Variants in ITIH2 observed in about 807,000 individuals in gnomAD.
The protein encoded by ITIH2 is inter-alpha-trypsin inhibitor heavy chain H2.
In ITIH2, 103 loss-of-function variants were observed where a neutral mutation model predicts 104.4. That is an observed-to-expected ratio of 0.99 (90% CI 0.84 to 1.16). The LOEUF is 1.16. Ranked by LOEUF, ITIH2 falls within the 50% of genes most tolerant of loss-of-function variation. The pLI is 0.00. For missense variants in ITIH2, 1,108 were observed against 1,162.4 expected (o/e 0.95, Z 0.68); for synonymous variants, 436 against 435.4 (o/e 1.00, Z -0.02).
intron 4 of ITIH2, among the ~76,000 whole-genome samples, chr10:7,711,558 T>C (rs1834797252): frequency 6.6e-6 from 1 of 152,188 alleles, no homozygotes; most frequent in Admixed American, 6.5e-5. Flanking sequence ...TAAAGACCCC[T>C]TGGCCTTTGA....
chr10:7,737,702 AT>A (rs1835076663), intron 15 of ITIH2, among the ~76,000 whole-genome samples: 1 of 54,712 alleles, frequency 1.8e-5, no homozygotes, highest in African/African-American at 8.6e-5. Context: ...TCTATATAAT[AT>A]TCTATATTAT....
At chr10:7,733,792 G>A (rs1355855960) in intron 14 of ITIH2, among the ~76,000 whole-genome samples, 2 of 152,096 alleles carry the variant, frequency 1.3e-5, no homozygotes, top group East Asian at 1.9e-4. Flanking sequence ...GGATTCTCAG[G>A]AAGGTGGAAC....
At position 7,749,360 on chromosome 10, in the gene ITIH2, A is replaced by C. The variant is rs779772829; in HGVS notation, c.*26A>C. ...AGGTTTATAGTTTGGGAAATTATAT[A>C]TATTAATATACATCTTTCCCCTGTC... On this transcript the variant is annotated 3_prime_UTR_variant, in exon 21 of 21. Coordinates refer to ENST00000358415, the MANE Select transcript of ITIH2 (RefSeq NM_002216.3). The C allele has an allele frequency of 6.4e-7, 1 of 1,574,064 alleles. No homozygotes were observed. Among genetic ancestry groups the C allele is most frequent in the African/African-American group, 1.4e-5 (1 of 73,788 alleles).
rs748873415 is a variant in ITIH2 at position 7,744,799 on chromosome 10, T to C, written c.2417T>C (p.Ile806Thr). ...TAQVTNQRVQ[I>T]SVKKEKVVTI... is the part of the protein sequence containing the mutation. ...TTGGACTTTCACACCAGGGTGCAGATCTCAGTGAAGAAAGAAAAAGTGGTA... is the reference window on the plus strand; with the variant it reads ...TTGGACTTTCACACCAGGGTGCAGACCTCAGTGAAGAAAGAAAAAGTGGTA... Residue 806 changes from isoleucine to threonine, a missense_variant, in exon 19 of 21, where the codon ATC becomes ACC. Physicochemically the swap from Ile to Thr is moderately conservative, Grantham distance 89. Transcript: ENST00000358415. The C allele has an allele frequency of 9.9e-6, 16 of 1,613,618 alleles. No homozygotes were observed. Among genetic ancestry groups the C allele is most frequent in the Non-Finnish European group, 1.4e-5 (16 of 1,179,768 alleles).
intron 18 of ITIH2, 23 bp downstream of exon 18, chr10:7,744,303 T>C (rs773783223): frequency 1.3e-6 from 2 of 1,598,872 alleles, no homozygotes; most frequent in Non-Finnish European, 8.6e-7. Context: ...CCATCTGAAC[T>C]TGGGCCTGTC....
At chr10:7,745,496 G>A (rs1364054673) in intron 19 of ITIH2, among the ~76,000 whole-genome samples, 1 of 152,102 alleles carries the variant, frequency 6.6e-6, no homozygotes, top group Non-Finnish European at 1.5e-5. Context: ...GCTCGTGCCT[G>A]TAATCCCAGC....
chr10:7,711,136 G>C (rs1834793871), intron 4 of ITIH2, among the ~76,000 whole-genome samples: 1 of 152,016 alleles, frequency 6.6e-6, no homozygotes, highest in Admixed American at 6.6e-5. Flanking sequence ...TCCCCTCCCT[G>C]TGTCCATGTG....
intron 15 of ITIH2, among the ~76,000 whole-genome samples, chr10:7,736,862 A>G (rs571953052): frequency 2.0e-5 from 3 of 152,330 alleles, no homozygotes; most frequent in African/African-American, 7.2e-5. Context: ...ACAAGTGGAT[A>G]GAAATGGCAA....
At position 7,727,738 on chromosome 10, in the gene ITIH2, T is replaced by G. The variant is rs748332598; in HGVS notation, c.1189T>G (p.Phe397Val). The G allele has an allele frequency of 1.1e-5, 17 of 1,614,180 alleles. No individual in the cohort carries two copies. Among genetic ancestry groups the G allele is most frequent in the Non-Finnish European group, 1.4e-5 (16 of 1,180,002 alleles). The change falls in exon 11 of 21, where the codon TTC becomes GTC. Residue 397 changes from phenylalanine to valine, a missense_variant. Coordinates refer to ENST00000358415, the MANE Select transcript of ITIH2 (RefSeq NM_002216.3). The part of the protein sequence containing the change: ...NINEALLRAI[F>V]ILNEANNLGL... ...CAACGAAGCACTCCTACGGGCAATC[T>G]TCATTTTGAATGAAGCCAATAACTT...
chr10:7,735,669 C>CTTTTTTTT (rs1835048138), intron 15 of ITIH2, among the ~76,000 whole-genome samples: 1 of 144,008 alleles, frequency 6.9e-6, no homozygotes, highest in African/African-American at 2.6e-5. Flanking sequence ...CTTTTCTTTT[C>CTTTTTTTT]TTTTCTTTTT....
intron 6 of ITIH2, 89 bp downstream of exon 6, chr10:7,717,877 G>C: frequency 7.5e-7 from 1 of 1,336,406 alleles, no homozygotes. Flanking sequence ...ACTAGCACTT[G>C]TGGTGTTGGA....
intron 5 of ITIH2, chr10:7,713,533 G>A (rs935097195): frequency 1.4e-5 from 6 of 429,450 alleles, no homozygotes; most frequent in African/African-American, 4.0e-5. Context: ...GTAGATGGAT[G>A]TTCTGTAAAT....
chr10:7,743,275 A>T lies in ITIH2; in HGVS notation c.2209+16A>T. The T allele has an allele frequency of 1.5e-6, 2 of 1,325,782 alleles. No individual in the cohort carries two copies. The highest frequency in any genetic ancestry group is 1.3e-5 in the South Asian group (1 of 78,200). The allele number at this position is 1,325,782 out of a possible 1,614,324, so 82.1% of individuals were successfully genotyped here. A position where few individuals can be genotyped will look rare whatever the true frequency, so the allele number is the denominator to read the frequency against. On this transcript the variant is annotated intron_variant, in intron 17 of 20. Coordinates refer to ENST00000358415, the MANE Select transcript of ITIH2 (RefSeq NM_002216.3). ...CCAGAATCAGGTAAAATAAAAATAA[A>T]TTATATTTGCACCAATTAGGTCATT...
At chr10:7,737,426 T>TATATATAC (rs1407631058) in intron 15 of ITIH2, among the ~76,000 whole-genome samples, 2 of 131,076 alleles carry the variant, frequency 1.5e-5, no homozygotes, top group Admixed American at 8.5e-5. Flanking sequence ...TATATATATA[T>TATATATAC]ACACGTGTAT....
intron 16 of ITIH2, among the ~76,000 whole-genome samples, chr10:7,741,173 GTTTT>G (rs34408370): frequency 8.0e-5 from 8 of 100,222 alleles, no homozygotes; most frequent in Non-Finnish European, 6.0e-5. Flanking sequence ...ATTGTTTAAG[GTTTT>G]TTTTTTTTTT....
At chr10:7,716,659 C>T (rs927777782) in intron 5 of ITIH2, among the ~76,000 whole-genome samples, 4 of 150,208 alleles carry the variant, frequency 2.7e-5, no homozygotes, top group Non-Finnish European at 4.4e-5. Flanking sequence ...TAGCTTGAGC[C>T]CTGGAGGCGG....
chr10:7,712,337 T>C (rs572543302), intron 4 of ITIH2, among the ~76,000 whole-genome samples: 1 of 152,274 alleles, frequency 6.6e-6, no homozygotes, highest in South Asian at 2.1e-4. Context: ...ATGCTATTCA[T>C]GAGGAGAGAG....
rs201633814 is a variant in ITIH2 at position 7,723,529 on chromosome 10, G to A, written c.946G>A (p.Asp316Asn). The change falls in exon 9 of 21, where the codon GAT becomes AAT. Residue 316 changes from aspartate (D) to asparagine (N), a missense_variant. Coordinates refer to ENST00000358415, the MANE Select transcript of ITIH2 (RefSeq NM_002216.3). ...TCCCAAAAACATCCTCTTTGTCATC[G>A]ATGTGAGTGGCTCCATGTGGGGAGT... ...PIPKNILFVIDVSGSMWGVKM... is the reference protein window; with the variant it reads ...PIPKNILFVINVSGSMWGVKM... 4.6e-5 allele frequency: 75 copies of A among 1,613,746 alleles called. 1 individual carries two copies. Among genetic ancestry groups the A allele is most frequent in the Admixed American group, 6.7e-5 (4 of 60,018 alleles).
chr10:7,706,029 A>T (rs1306146550), intron 2 of ITIH2, among the ~76,000 whole-genome samples: 1 of 152,140 alleles, frequency 6.6e-6, no homozygotes, highest in Non-Finnish European at 1.5e-5. Flanking sequence ...ATGCTGAGAG[A>T]GGAGGTATTT....
Sources: gnomAD v4.1 joint callset for allele counts (sites outside exome capture counted in the v4.1 genomes callset) on GRCh38, gnomAD v4.1.1 for gene constraint, MANE v1.5 for transcripts, NCBI Gene and HGNC (gene_info 2026-07-23, HGNC 2026-07-21) for gene names.